Variants in LIMCH1 observed in about 807,000 individuals in gnomAD.
The protein encoded by LIMCH1 is LIM and calponin homology domains-containing protein 1.
In LIMCH1, 113 loss-of-function variants were observed where a neutral mutation model predicts 176.5. The observed-to-expected ratio is 0.64, with a 90% confidence interval of 0.55 to 0.75. The LOEUF (loss-of-function observed/expected upper bound fraction) is 0.75, where lower values mean the gene tolerates loss of function less well. Among genes scored for constraint, LIMCH1 ranks in the 30% least tolerant of loss-of-function variants. The pLI is 0.00. For synonymous variants in LIMCH1, 619 were observed against 645.9 expected (o/e 0.96, Z 0.63); for missense variants, 1,674 against 1,814.9 (o/e 0.92, Z 1.41).
chr4:41,614,594 A>G (rs559643830), intron 5 of LIMCH1, among the ~76,000 whole-genome samples: 3 of 152,250 alleles, frequency 2.0e-5, no homozygotes, highest in Non-Finnish European at 4.4e-5. Context: ...CCTTCCAGCT[A>G]TAAAATTCTG....
Position 41,692,365 on chromosome 4 carries a change from T to C in LIMCH1, c.4359T>C (p.Asp1453=), listed in dbSNP as rs1215631112. The change falls in exon 31 of 32, where the codon GAT becomes GAC. Residue 1453 remains aspartate, a synonymous_variant. Transcript: ENST00000503057. ...RIRNGLLNCN[D]CYMRSRSAGQ... is the part of the protein sequence containing the mutation. ...GAAATGGTCTCCTGAACTGTAATGA[T>C]TGCTACATGCGATCCAGAAGTAAGT... 5 of 1,610,528 alleles carry C rather than the reference T, an allele frequency of 3.1e-6. No homozygotes were observed. Among genetic ancestry groups the C allele is most frequent in the Non-Finnish European group, 2.5e-6 (3 of 1,176,886 alleles).
At chr4:41,651,145 T>C (rs1057016480) in intron 18 of LIMCH1, among the ~76,000 whole-genome samples, 22 of 152,172 alleles carry the variant, frequency 1.4e-4, no homozygotes, top group South Asian at 2.1e-4. Flanking sequence ...TAACTGGGAC[T>C]ACAGGCATGC....
upstream of LIMCH1, among the ~76,000 whole-genome samples, chr4:41,533,247 G>A (rs1236552008): frequency 6.6e-6 from 1 of 152,202 alleles, no homozygotes; most frequent in African/African-American, 2.4e-5. Flanking sequence ...CTGAAGTGAT[G>A]TTTTGTCAGT....
intron 1 of LIMCH1, among the ~76,000 whole-genome samples, chr4:41,586,610 A>G (rs2086523992): frequency 6.6e-6 from 1 of 152,208 alleles, no homozygotes; most frequent in Admixed American, 6.5e-5. Context: ...AATTCCCAAA[A>G]TGCAACTAGT....
chr4:41,677,159 TAA>T (rs749513054), intron 23 of LIMCH1, among the ~76,000 whole-genome samples: 1 of 118,862 alleles, frequency 8.4e-6, no homozygotes, highest in Non-Finnish European at 1.8e-5. Flanking sequence ...TGAGAATGTC[TAA>T]AAAAAAAAAA....
Position 41,685,745 on chromosome 4 carries a change from C to G in LIMCH1, c.4003C>G (p.His1335Asp), listed in dbSNP as rs1339784214. Residue 1335 changes from histidine to aspartate, a missense_variant, in exon 28 of 32, where the codon CAC (histidine) becomes GAC (aspartate). By Grantham distance (81) the His-to-Asp change is moderately conservative. This residue lies in a region of LIMCH1 where 1,015 missense variants were observed against 1,102.5 expected (regional missense o/e 0.92). Coordinates refer to ENST00000503057, the MANE Select transcript of LIMCH1 (RefSeq NM_001330672.2). ...SQNQQTSNPT[H>D]SSEDVKPKTL... The stretch of plus-strand genomic sequence containing the variant: ...GAATCAGCAGACATCAAATCCAACG[C>G]ACAGTTCAGAAGATGTGAAGCCAAA... 6.2e-7 allele frequency: 1 copy of G among 1,613,524 alleles called. No homozygotes were observed. The highest frequency in any genetic ancestry group is 1.3e-5 in the African/African-American group (1 of 74,888).
rs575672052 is a variant in LIMCH1 at position 41,684,345 on chromosome 4, C to T, written c.3846-52C>T. The T allele has an allele frequency of 1.1e-5, 17 of 1,566,236 alleles. No individual in the cohort carries two copies. In the African/African-American group the frequency reaches 1.6e-4, roughly 15 times the overall value. On this transcript the variant is annotated intron_variant, in intron 26 of 31. Transcript: ENST00000503057. ...CTTTAAGTTATAGGACCAAGAAGTT[C>T]GATTCAGTTACTTTTCTCTCTGCTC...
intron 1 of LIMCH1, among the ~76,000 whole-genome samples, chr4:41,422,677 A>G (rs1302319799): frequency 6.6e-6 from 1 of 152,188 alleles, no homozygotes; most frequent in Admixed American, 6.5e-5. Flanking sequence ...TGGGACTAAA[A>G]AGCTGTTTAG....
intron 1 of LIMCH1, among the ~76,000 whole-genome samples, chr4:41,474,008 T>C (rs1233768947): frequency 6.6e-6 from 1 of 151,134 alleles, no homozygotes; most frequent in African/African-American, 2.4e-5. Flanking sequence ...AACAACCCTG[T>C]CTCTACTAAA....
At chr4:41,557,768 G>T (rs2081476663) in intron 1 of LIMCH1, among the ~76,000 whole-genome samples, 1 of 152,182 alleles carries the variant, frequency 6.6e-6, no homozygotes, top group South Asian at 2.1e-4. Context: ...GTGTTCTGGA[G>T]GGTTGGAAGT....
intron 1 of LIMCH1, among the ~76,000 whole-genome samples, chr4:41,573,134 G>A (rs1016690673): frequency 6.6e-6 from 1 of 152,130 alleles, no homozygotes; most frequent in African/African-American, 2.4e-5. Context: ...ATGCACCAGT[G>A]GTGATGCCAA....
chr4:41,641,168 A>G (rs1008654780), intron 14 of LIMCH1, among the ~76,000 whole-genome samples: 2 of 152,126 alleles, frequency 1.3e-5, no homozygotes, highest in African/African-American at 2.4e-5. Flanking sequence ...CAACAGCCCA[A>G]GGGCATAGAC....
intron 1 of LIMCH1, among the ~76,000 whole-genome samples, chr4:41,459,446 G>C (rs1483924556): frequency 6.6e-6 from 1 of 152,010 alleles, no homozygotes; most frequent in East Asian, 1.9e-4. Flanking sequence ...GACCACAGGT[G>C]TGTGCCAATG....
chr4:41,406,937 C>T (rs1320280322), intron 1 of LIMCH1, among the ~76,000 whole-genome samples: 1 of 152,166 alleles, frequency 6.6e-6, no homozygotes, highest in Non-Finnish European at 1.5e-5. Flanking sequence ...TGTTCACCAG[C>T]CACAGACATT....
At position 41,680,962 on chromosome 4, in the gene LIMCH1, A is replaced by G; in HGVS notation, c.3620A>G (p.Lys1207Arg). Residue 1207 changes from lysine to arginine, a missense_variant, in exon 25 of 32, where the codon AAG becomes AGG. Around this residue, in one of 3 missense-constraint regions of LIMCH1, gnomAD observed 1,015 missense variants for 1,102.5 expected, o/e 0.92. Transcript: ENST00000503057. ...TCCTGTCCTTCCCCTTAGGAGCGTA[A>G]GATAATTGAAGACACTGTGGTTCCA... is the stretch of plus-strand genomic sequence containing the variant. Reference protein sequence around the residue: ...EERRYYEEERKIIEDTVVPFT... With the variant: ...EERRYYEEERRIIEDTVVPFT... 2 of 1,587,358 alleles carry G rather than the reference A, an allele frequency of 1.3e-6. No individual in the cohort carries two copies. The highest frequency in any genetic ancestry group is 1.7e-6 in the Non-Finnish European group (2 of 1,156,438).
At chr4:41,454,363 T>C (rs2064267347) in intron 1 of LIMCH1, among the ~76,000 whole-genome samples, 1 of 152,086 alleles carries the variant, frequency 6.6e-6, no homozygotes, top group South Asian at 2.1e-4. Flanking sequence ...GTTTAAAGAC[T>C]TCCACTTGCA....
rs369017756 is a variant in LIMCH1 at position 41,367,370 on chromosome 4, G to A, written c.96+6434G>A. On this transcript the variant is annotated intron_variant, in intron 1 of 26. Coordinates refer to the LIMCH1 transcript ENST00000313860. ...ACCTTAAGAATAAAATATTGGTTAG[G>A]TTGGGAAAGCTCCATGTTTCCACTG... Among the ~76,000 whole-genome samples the A allele has an allele frequency of 1.6e-4, 24 of 152,262 alleles. No homozygotes were observed. The South Asian group carries it at 5.0e-3, about 32-fold the overall frequency.
At chr4:41,613,980 T>C (rs1405731773) in intron 5 of LIMCH1, among the ~76,000 whole-genome samples, 1 of 152,200 alleles carries the variant, frequency 6.6e-6, no homozygotes, top group Admixed American at 6.5e-5. Context: ...TCATAAAGTG[T>C]GCTGGAGGTT....
At chr4:41,522,721 T>C (rs758778053) in intron 2 of LIMCH1, among the ~76,000 whole-genome samples, 4 of 152,176 alleles carry the variant, frequency 2.6e-5, no homozygotes, top group Non-Finnish European at 5.9e-5. Context: ...GTTCTGGGCC[T>C]GAGTGTGCTA....
Sources: allele counts gnomAD v4.1 joint callset (sites outside exome capture counted in the v4.1 genomes callset), GRCh38; gene constraint gnomAD v4.1.1; regional missense constraint gnomAD v4.1.1; transcripts MANE v1.5; gene names NCBI Gene and HGNC (gene_info 2026-07-23, HGNC 2026-07-21).